The following GPI variants were observed in gnomAD, a reference collection of about 807,000 sequenced individuals.
GPI encodes the protein glucose-6-phosphate isomerase, also known as D-hexose-6-phosphate anomerase.
Under a neutral mutation model 75.8 loss-of-function variants are expected in GPI, and 56 were observed. The observed-to-expected ratio is 0.74, with a 90% confidence interval of 0.60 to 0.92. GPI has a LOEUF of 0.92. Among genes scored for constraint, GPI ranks in the 40% least tolerant of loss-of-function variants. The probability of loss-of-function intolerance (pLI) is 0.00; values close to 1 mark genes in which losing one functional copy is unlikely to be tolerated. For synonymous variants in GPI, 288 were observed against 285.4 expected, an observed-to-expected ratio of 1.01 and a Z score of -0.09; for missense variants, 638 against 741.0, an observed-to-expected ratio of 0.86 and a Z score of 1.61.
chr19:34,374,129 C>CCT (rs1189749094), intron 4 of GPI, among the ~76,000 whole-genome samples: 1 of 134,366 alleles, frequency 7.4e-6, no homozygotes, highest in East Asian at 3.5e-4. Flanking sequence ...ACCATGCCCG[C>CCT]CTTTTTTTTT....
At chr19:34,392,690 G>C (rs1441600521) in intron 9 of GPI, 1 of 33,736 alleles carries the variant, frequency 3.0e-5, no homozygotes, top group African/African-American at 5.5e-4. Context: ...CATGTCTAAA[G>C]AGTTGAAGCT....
chr19:34,378,174 T>G (rs925355111), intron 6 of GPI, among the ~76,000 whole-genome samples: 1 of 152,042 alleles, frequency 6.6e-6, no homozygotes, highest in Non-Finnish European at 1.5e-5. Context: ...CTTACAAACC[T>G]GTCCTTTATG....
rs774202878 is a variant in GPI, at chr19:34,365,374, C to A, written c.108C>A (p.Arg36=). ...GCCTCTTCGATGCCAACAAGGACCG[C>A]TTCAACCACTTCAGGTGCGGGCGGG... ...LRRLFDANKD[R]FNHFSLTLNT... The change falls in exon 1 of 18, where the codon CGC becomes CGA. Residue 36 remains arginine, a synonymous_variant. Transcript: ENST00000356487. 1 of 1,586,964 alleles carries A rather than the reference C, an allele frequency of 6.3e-7. No homozygotes were observed. Among genetic ancestry groups the A allele is most frequent in the South Asian group, 1.1e-5 (1 of 89,128 alleles).
upstream of GPI, chr19:34,364,924 C>A (rs1222707788): frequency 4.0e-6 from 6 of 1,494,830 alleles, no homozygotes; most frequent in East Asian, 1.5e-4. Flanking sequence ...TAGCTCTCTG[C>A]AGCCTCCAAC....
rs370217811 is a variant in GPI, at chr19:34,368,572, G to A, written c.283-11G>A. The A allele has an allele frequency of 8.1e-6, 13 of 1,613,940 alleles. No individual in the cohort carries two copies. The East Asian group carries it at 1.1e-4, about 14-fold the overall frequency. ...GGGGGGCAGTCTTTATATCCTGACC[G>A]TAATCCCCAGGGTCGAGCCGTGCTG... On this transcript the variant is annotated splice_polypyrimidine_tract_variant and intron_variant, in intron 3 of 17. Transcript: ENST00000356487.
At chr19:34,396,157 C>G in intron 12 of GPI, 144 bp from the exon 13 acceptor site, 1 of 817,584 alleles carries the variant, frequency 1.2e-6, no homozygotes, top group Non-Finnish European at 2.0e-6. Flanking sequence ...AGGCTGGTCT[C>G]AAACTTCCAA....
chr19:34,388,599 T>C (rs976879990), intron 9 of GPI, among the ~76,000 whole-genome samples: 1 of 152,192 alleles, frequency 6.6e-6, no homozygotes, highest in African/African-American at 2.4e-5. Flanking sequence ...GCATCTATAA[T>C]GTATGGTCTC....
intron 9 of GPI, among the ~76,000 whole-genome samples, chr19:34,388,775 G>A (rs1471182002): frequency 6.6e-6 from 1 of 152,150 alleles, no homozygotes; most frequent in Non-Finnish European, 1.5e-5. Context: ...CAGCCAGAGG[G>A]CTGGCTGTGT....
chr19:34,365,177 C>T (rs2074336982), upstream of GPI: 3 of 1,280,868 alleles, frequency 2.3e-6, no homozygotes, highest in Non-Finnish European at 3.0e-6. Flanking sequence ...ATAAAGGCCG[C>T]CGCGCGCCCA....
chr19:34,362,911 G>A (rs2074308662), upstream of GPI, among the ~76,000 whole-genome samples: 1 of 152,192 alleles, frequency 6.6e-6, no homozygotes, highest in African/African-American at 2.4e-5. Context: ...GGCAGGGGTA[G>A]AAACACGGGT....
At chr19:34,375,141 A>G (rs1269367835) in intron 4 of GPI, among the ~76,000 whole-genome samples, 2 of 122,896 alleles carry the variant, frequency 1.6e-5, no homozygotes, top group East Asian at 5.9e-4. Context: ...AAACAGCAAT[A>G]CACTTTTTTT....
intron 4 of GPI, among the ~76,000 whole-genome samples, chr19:34,375,363 T>G (rs1490795194): frequency 3.3e-5 from 5 of 152,116 alleles, no homozygotes; most frequent in African/African-American, 1.2e-4. Flanking sequence ...TTGACTAGGC[T>G]GGTCTCGAAC....
At chr19:34,364,392 T>TTC (rs999542018), upstream of GPI, among the ~76,000 whole-genome samples, 5 of 151,556 alleles carry the variant, frequency 3.3e-5, no homozygotes, top group African/African-American at 1.2e-4. Context: ...ATCTTTTTTT[T>TTC]TTTTTTTGAG....
In GPI at chr19:34,399,293, G is replaced by A. The variant is rs34604585; in HGVS notation, c.1356G>A (p.Ala452=). The change falls in exon 15 of 18, where the codon GCG becomes GCA. Residue 452 remains alanine (A), a synonymous_variant. Coordinates refer to ENST00000356487, the MANE Select transcript of GPI (RefSeq NM_000175.5). ...AGGCCCGAAAGGAGCTCCAGGCTGC[G>A]GGCAAGAGTCCAGAGGACCTTGAGA... is the stretch of plus-strand genomic sequence containing the variant. ...TEEARKELQA[A]GKSPEDLERL... is the part of the protein sequence containing the mutation. 5.6e-4 allele frequency: 909 copies of A among 1,614,122 alleles called. 8 individuals are homozygous for A. The highest frequency in any genetic ancestry group is 2.4e-4 in the Non-Finnish European group (279 of 1,180,012).
Position 34,401,320 on chromosome 19 carries a change from C to T in GPI, c.*1284C>T, listed in dbSNP as rs1483196203. The T allele has an allele frequency of 6.6e-6, 1 of 152,042 alleles. No individual in the cohort carries two copies. The highest frequency in any genetic ancestry group is 1.5e-5 in the Non-Finnish European group (1 of 68,068). The allele number at this position is 152,042 out of a possible 1,614,324, so 9.4% of individuals were successfully genotyped here. A position where few individuals can be genotyped will look rare whatever the true frequency, so the allele number is the denominator to read the frequency against. Reference sequence around the variant, plus strand: ...GCAAGCTCCGCCTCCCAGGTTCACGCCATTCTCCTGCCTCAGACTCCTGTG... The same window carrying T: ...GCAAGCTCCGCCTCCCAGGTTCACGTCATTCTCCTGCCTCAGACTCCTGTG... On this transcript the variant is annotated 3_prime_UTR_variant, in exon 18 of 18. Transcript: ENST00000356487.
chr19:34,394,148 TC>T, intron 12 of GPI, 82 bp downstream of exon 12: 2 of 1,032,742 alleles, frequency 1.9e-6, no homozygotes, highest in Non-Finnish European at 3.0e-6. Flanking sequence ...TTTCAGCTCC[TC>T]CAGGAGCTCT....
At chr19:34,379,985 GTTTTGTTTTT>G (rs1338998017) in intron 8 of GPI, 5 of 127,944 alleles carry the variant, frequency 3.9e-5, no homozygotes, top group Non-Finnish European at 5.8e-5. Flanking sequence ...AGTGTGTGTG[GTTTTGTTTTT>G]TTTTTTTTTT....
chr19:34,396,669 C>A lies in GPI; in HGVS notation c.1269+12C>A. ...GTCTGCATCACAAGGTAAGAGCCCCCATCTGGCCCCATCTGGGGGGTCTGG... is the reference window on the plus strand; with the variant it reads ...GTCTGCATCACAAGGTAAGAGCCCCAATCTGGCCCCATCTGGGGGGTCTGG... On this transcript the variant is annotated intron_variant, in intron 14 of 17. Transcript: ENST00000356487. 2 of 1,608,450 alleles carry A rather than the reference C, an allele frequency of 1.2e-6. No individual in the cohort carries two copies. The highest frequency in any genetic ancestry group is 1.7e-6 in the Non-Finnish European group (2 of 1,175,288).
Position 34,381,450 on chromosome 19 carries a change from G to GTTTT in GPI, c.751-8_751-5dup. 2 of 1,328,912 alleles carry GTTTT rather than the reference G, an allele frequency of 1.5e-6. No individual in the cohort carries two copies. Among genetic ancestry groups the GTTTT allele is most frequent in the Non-Finnish European group, 2.1e-6 (2 of 947,620 alleles). The allele number at this position is 1,328,912 out of a possible 1,614,324, so 82.3% of individuals were successfully genotyped here. A position where few individuals can be genotyped will look rare whatever the true frequency, so the allele number is the denominator to read the frequency against. On this transcript the variant is annotated splice_polypyrimidine_tract_variant and intron_variant, in intron 8 of 17. Transcript: ENST00000356487. The stretch of plus-strand genomic sequence containing the variant: ...TGCTTCTTTGCATTTCTCTCCCTTT[G>GTTTT]TTTTTTTTTTTGTAGACCAAAGTGA...
Sources: allele counts gnomAD v4.1 joint callset (sites outside exome capture counted in the v4.1 genomes callset), GRCh38; gene constraint gnomAD v4.1.1; transcripts MANE v1.5; gene names NCBI Gene and HGNC (gene_info 2026-07-23, HGNC 2026-07-21).